The following ZNF638 variants were observed in gnomAD, a reference collection of about 807,000 sequenced individuals.
ZNF638 encodes the protein zinc finger protein 638, also known as CTCL tumor antigen se33-1.
A neutral mutation model predicts 195.6 loss-of-function variants in ZNF638; 46 were observed. The observed-to-expected ratio is 0.24, with a 90% CI of 0.19 to 0.30. The LOEUF (loss-of-function observed/expected upper bound fraction) is 0.30. Ranked by LOEUF, ZNF638 falls within the 10% of genes least tolerant of loss-of-function variation. The pLI is 1.00. For synonymous variants in ZNF638, 845 were observed against 772.0 expected (o/e 1.09, Z -1.57); for missense variants, 2,440 against 2,325.3 (o/e 1.05, Z -1.01).
At chr2:71,354,978 A>AT (rs1263068053) in intron 2 of ZNF638, among the ~76,000 whole-genome samples, 5 of 151,086 alleles carry the variant, frequency 3.3e-5, no homozygotes, top group South Asian at 4.2e-4. Flanking sequence ...TTTTATTTTT[A>AT]TTTTTTTGGA....
intron 13 of ZNF638, 140 bp downstream of exon 13, chr2:71,399,785 G>C: frequency 1.4e-6 from 1 of 699,182 alleles, no homozygotes; most frequent in South Asian, 1.9e-5. Context: ...TCATCACCCA[G>C]ATATTAAGCC....
At chr2:71,396,413 T>C (rs1359995278) in intron 11 of ZNF638, among the ~76,000 whole-genome samples, 3 of 152,244 alleles carry the variant, frequency 2.0e-5, no homozygotes, top group Non-Finnish European at 4.4e-5. Context: ...TTTCTTATGA[T>C]GAGTATCACA....
chr2:71,370,339 CCTT>C lies in ZNF638; in HGVS notation c.2265+340_2265+342del, dbSNP rs565002690. Among the ~76,000 whole-genome samples, 458 of 152,256 alleles carry C rather than the reference CCTT, an allele frequency of 3.0e-3. 1 individual carries two copies. The highest frequency in any genetic ancestry group is 0.02 in the Middle Eastern group (6 of 294). ...GCTTCTTCCCAATTCTTACACCCTC[CCTT>C]CTTCTCACAAGTAAACACTAACTTG... On this transcript the variant is annotated intron_variant, in intron 8 of 27. Transcript: ENST00000264447.
rs143761812 is a variant in ZNF638, at chr2:71,419,064, A to C, written c.3299+425A>C. 7.2e-5 allele frequency among the ~76,000 whole-genome samples: 11 copies of C among 152,358 alleles called. 1 individual carries two copies. Among genetic ancestry groups the C allele is most frequent in the Middle Eastern group, 3.4e-3 (1 of 294 alleles). ...TGTGTTTTGATACTTTTTAAAAACAACTGGGTTGGGGCGAGTAAGTATTTG... is the reference window on the plus strand; with the variant it reads ...TGTGTTTTGATACTTTTTAAAAACACCTGGGTTGGGGCGAGTAAGTATTTG... On this transcript the variant is annotated intron_variant, in intron 21 of 27. Coordinates refer to ENST00000264447, the MANE Select transcript of ZNF638 (RefSeq NM_014497.5).
rs148194624 is a variant in ZNF638, at chr2:71,389,857, T to A, written c.2378-6284T>A. On this transcript the variant is annotated intron_variant, in intron 10 of 27. Coordinates refer to ENST00000264447, the MANE Select transcript of ZNF638 (RefSeq NM_014497.5). ...CAGTTGGCTTATGAAAATGCTAACG[T>A]CGACTGCCAACAAGCAATGCAGGCA... Among the ~76,000 whole-genome samples the A allele has an allele frequency of 5.6e-3, 852 of 152,300 alleles. 6 individuals carry two copies. Among genetic ancestry groups the A allele is most frequent in the African/African-American group, 0.019 (809 of 41,558 alleles).
At chr2:71,411,453 A>ATTTT (rs1283094894) in intron 20 of ZNF638, among the ~76,000 whole-genome samples, 1 of 139,744 alleles carries the variant, frequency 7.2e-6, no homozygotes, top group Non-Finnish European at 1.5e-5. Flanking sequence ...TTTTTTATTT[A>ATTTT]TTTTTTATTT....
chr2:71,363,860 C>T, intron 4 of ZNF638, 94 bp from the exon 5 acceptor site: 1 of 1,399,052 alleles, frequency 7.1e-7, no homozygotes, highest in Non-Finnish European at 9.5e-7. Flanking sequence ...GTATTGTTAA[C>T]AGTCTGTTTT....
chr2:71,395,600 G>T (rs908144798), intron 10 of ZNF638: 2 of 581,794 alleles, frequency 3.4e-6, no homozygotes, highest in Non-Finnish European at 6.4e-6. Context: ...CTCCCAAGGC[G>T]GTGGGGGTGA....
At chr2:71,425,040 A>G (rs1168626478) in intron 23 of ZNF638, among the ~76,000 whole-genome samples, 3 of 152,192 alleles carry the variant, frequency 2.0e-5, no homozygotes, top group Non-Finnish European at 4.4e-5. Context: ...AAAAATTTAT[A>G]TATGTGAAAG....
intron 3 of ZNF638, among the ~76,000 whole-genome samples, chr2:71,357,451 G>A (rs2079042186): frequency 6.6e-6 from 1 of 152,156 alleles, no homozygotes; most frequent in Non-Finnish European, 1.5e-5. Flanking sequence ...GCCACTGTAA[G>A]GAATACAGTC....
intron 1 of ZNF638, among the ~76,000 whole-genome samples, chr2:71,333,625 G>C (rs2078611930): frequency 6.6e-6 from 1 of 152,180 alleles, no homozygotes; most frequent in South Asian, 2.1e-4. Flanking sequence ...TTTTATGTAA[G>C]TGGAAGAAAA....
In ZNF638 at chr2:71,381,479, A is replaced by G. The variant is rs369144036; in HGVS notation, c.2377+914A>G. On this transcript the variant is annotated intron_variant, in intron 10 of 27. Transcript: ENST00000264447. ...TTTGATTAAGATTTTAAATTAGGTA[A>G]CATTATGTGAAGAGATAAAATGTGG... 3.9e-5 allele frequency among the ~76,000 whole-genome samples: 6 copies of G among 152,094 alleles called. No individual in the cohort carries two copies. The South Asian group carries it at 8.3e-4, about 21-fold the overall frequency.
intron 6 of ZNF638, among the ~76,000 whole-genome samples, chr2:71,367,186 T>C (rs1223432134): frequency 6.6e-6 from 1 of 151,870 alleles, no homozygotes; most frequent in African/African-American, 2.4e-5. Flanking sequence ...TCTCATAATA[T>C]GAAGTTCTTT....
chr2:71,349,817 A>T lies in ZNF638; in HGVS notation c.863A>T (p.Glu288Val). Reference protein sequence around the residue: ...SSNNRSFFSVESGTKMSGLHI... With the variant: ...SSNNRSFFSVVSGTKMSGLHI... ...AATAATCGGTCCTTTTTCTCAGTTGAGAGTGGAACCAAGATGTCAGGCTTA... is the reference window on the plus strand; with the variant it reads ...AATAATCGGTCCTTTTTCTCAGTTGTGAGTGGAACCAAGATGTCAGGCTTA... Residue 288 changes from glutamate (E) to valine (V), a missense_variant, in exon 2 of 28, where the codon GAG becomes GTG. Physicochemically the swap from Glu to Val is moderately radical, Grantham distance 121. This residue lies in a region of ZNF638 where 305 missense variants were observed against 283.6 expected (regional missense o/e 1.08). Coordinates refer to ENST00000264447, the MANE Select transcript of ZNF638 (RefSeq NM_014497.5). The T allele has an allele frequency of 6.2e-7, 1 of 1,614,196 alleles. No individual in the cohort carries two copies. Among genetic ancestry groups the T allele is most frequent in the South Asian group, 1.1e-5 (1 of 91,090 alleles).
chr2:71,389,644 C>A (rs1357511826), intron 10 of ZNF638, among the ~76,000 whole-genome samples: 1 of 152,214 alleles, frequency 6.6e-6, no homozygotes, highest in East Asian at 1.9e-4. Flanking sequence ...AGCCTATGCA[C>A]AAGTGTCTTT....
chr2:71,426,547 C>G lies in ZNF638; in HGVS notation c.4678C>G (p.Pro1560Ala), dbSNP rs1240416227. 6.2e-7 allele frequency: 1 copy of G among 1,613,954 alleles called. No homozygotes were observed. The highest frequency in any genetic ancestry group is 1.7e-5 in the Admixed American group (1 of 59,986). Residue 1560 changes from proline (P) to alanine (A), a missense_variant, in exon 24 of 28, where the codon CCA (proline) becomes GCA (alanine). Pro to Ala is a conservative substitution (Grantham distance 27, BLOSUM62 -1). Around this residue, in one of 5 missense-constraint regions of ZNF638, gnomAD observed 1,883 missense variants for 1,739.1 expected, o/e 1.08. Coordinates refer to ENST00000264447, the MANE Select transcript of ZNF638 (RefSeq NM_014497.5). ...GAATCCTTCTCAGGCCAAGCAGAAT[C>G]CACTAAAGGGAAAAAGGAAAGAAAC... ...EVNPSQAKQN[P>A]LKGKRKETLK...
intron 1 of ZNF638, chr2:71,348,525 T>A (rs960054364): frequency 3.4e-6 from 4 of 1,164,114 alleles, no homozygotes; most frequent in South Asian, 3.5e-5. Flanking sequence ...TGCAACACAA[T>A]GTACATGAAC....
intron 20 of ZNF638, among the ~76,000 whole-genome samples, chr2:71,417,168 A>G (rs1370050410): frequency 6.6e-6 from 1 of 151,490 alleles, no homozygotes; most frequent in Non-Finnish European, 1.5e-5. Context: ...GGTGTGGGAT[A>G]TAGTCTCGTG....
Position 71,403,850 on chromosome 2 carries a change from C to T in ZNF638, c.2830-20C>T, listed in dbSNP as rs1237963627. 3 of 1,480,006 alleles carry T rather than the reference C, an allele frequency of 2.0e-6. No homozygotes were observed. The highest frequency in any genetic ancestry group is 1.3e-5 in the South Asian group (1 of 74,352). The allele number at this position is 1,480,006 out of a possible 1,614,324, so 91.7% of individuals were successfully genotyped here. On this transcript the variant is annotated intron_variant, in intron 16 of 27. Coordinates refer to ENST00000264447, the MANE Select transcript of ZNF638 (RefSeq NM_014497.5). ...AGTAACATAAGATTTTTCTTGTTAC[C>T]TTAATTTCTGTTTTAAAAGGCATAT...
Sources: allele counts gnomAD v4.1 joint callset (sites outside exome capture counted in the v4.1 genomes callset), GRCh38; gene constraint gnomAD v4.1.1; regional missense constraint gnomAD v4.1.1; transcripts MANE v1.5; gene names NCBI Gene and HGNC (gene_info 2026-07-23, HGNC 2026-07-21).